PTPRN2: variants seen among roughly 807,000 people sequenced by gnomAD.
PTPRN2 encodes the protein receptor-type tyrosine-protein phosphatase N2.
A neutral mutation model predicts 118.8 loss-of-function variants in PTPRN2; 74 were observed. The ratio of observed to expected loss-of-function variants is 0.62; its 90% CI spans 0.52 to 0.76. PTPRN2 has a LOEUF of 0.76. PTPRN2 is among the 30% of genes least tolerant of loss of function. The probability of loss-of-function intolerance (pLI) is 0.00; values close to 1 mark genes in which losing one functional copy is unlikely to be tolerated. For synonymous variants in PTPRN2, 641 were observed against 608.0 expected (o/e 1.05, Z -0.80); for missense variants, 1,481 against 1,394.4 (o/e 1.06, Z -0.99).
chr7:157,549,820 G>A (rs543991436), intron 21 of PTPRN2, among the ~76,000 whole-genome samples: 87 of 152,322 alleles, frequency 5.7e-4, no homozygotes, highest in African/African-American at 1.8e-3. Flanking sequence ...AGAGAAGTGT[G>A]GGATGAGGAG....
At chr7:158,128,891 G>A (rs1270707035) in intron 9 of PTPRN2, among the ~76,000 whole-genome samples, 1 of 151,964 alleles carries the variant, frequency 6.6e-6, no homozygotes, top group African/African-American at 2.4e-5. Context: ...CACAACATGG[G>A]GGCCTTCAGG....
intron 3 of PTPRN2, among the ~76,000 whole-genome samples, chr7:158,300,057 T>G (rs1464174163): frequency 6.6e-6 from 1 of 152,232 alleles, no homozygotes; most frequent in Admixed American, 6.5e-5. Flanking sequence ...TTGAAAATAT[T>G]TGTTTACTTT....
intron 10 of PTPRN2, among the ~76,000 whole-genome samples, chr7:158,103,070 G>A (rs902887467): frequency 6.6e-6 from 1 of 152,148 alleles, no homozygotes; most frequent in African/African-American, 2.4e-5. Context: ...ACATGCACCC[G>A]TCCCTGTCTG....
intron 1 of PTPRN2, among the ~76,000 whole-genome samples, chr7:158,584,194 G>A (rs1828795121): frequency 6.6e-6 from 1 of 152,176 alleles, no homozygotes; most frequent in Admixed American, 6.5e-5. Context: ...GCAAGTGAAA[G>A]TTGTGCTTCT....
chr7:158,477,914 A>G (rs957578613), intron 2 of PTPRN2, among the ~76,000 whole-genome samples: 4 of 152,238 alleles, frequency 2.6e-5, no homozygotes, highest in Non-Finnish European at 5.9e-5. Context: ...CAGGAAGCAC[A>G]GGCGGTGTCC....
Position 158,509,326 on chromosome 7 carries a change from T to C in PTPRN2, c.113-19541A>G, listed in dbSNP as rs1823011771. 2.6e-5 allele frequency among the ~76,000 whole-genome samples: 4 copies of C among 152,106 alleles called. No individual in the cohort carries two copies. The South Asian group carries it at 8.3e-4, about 31-fold the overall frequency. On this transcript the variant is annotated intron_variant, in intron 1 of 22. Coordinates refer to ENST00000389418, the MANE Select transcript of PTPRN2 (RefSeq NM_002847.5). This position sits in a 1 kb window ranked among gnomAD's most constrained non-coding sequence, Gnocchi z 4.4. ...GAATAGTGCTCCCTGATCCCTAACG[T>C]GCAATCGGGGCTGGAGCCGGAGACC...
At chr7:158,112,063 C>T (rs1816326985) in intron 9 of PTPRN2, among the ~76,000 whole-genome samples, 1 of 151,900 alleles carries the variant, frequency 6.6e-6, no homozygotes, top group Non-Finnish European at 1.5e-5. Flanking sequence ...GGGAGCAGAC[C>T]CTCCTCAGCC....
intron 11 of PTPRN2, among the ~76,000 whole-genome samples, chr7:158,014,379 C>T (rs1806283443): frequency 6.6e-6 from 1 of 151,420 alleles, no homozygotes; most frequent in African/African-American, 2.4e-5. Flanking sequence ...ATCACTTTAC[C>T]TGTTTGTTCG....
chr7:157,840,980 C>G (rs937644113), intron 12 of PTPRN2, among the ~76,000 whole-genome samples: 1 of 152,254 alleles, frequency 6.6e-6, no homozygotes, highest in African/African-American at 2.4e-5. Flanking sequence ...TCTCAACGTC[C>G]AGTCTGCAGG....
In PTPRN2 at chr7:157,717,902, T is replaced by G. The variant is rs535300976; in HGVS notation, c.1789-34965A>C. ...CCCGCGTACCTTTCAGAGGTTTATA[T>G]GAAGCCATTTTTCGGTATTTCTCTA... On this transcript the variant is annotated intron_variant, in intron 12 of 22. Coordinates refer to ENST00000389418, the MANE Select transcript of PTPRN2 (RefSeq NM_002847.5). Among the ~76,000 whole-genome samples, 25 of 152,402 alleles carry G rather than the reference T, an allele frequency of 1.6e-4. No individual in the cohort carries two copies. The South Asian group carries it at 5.2e-3, about 32-fold the overall frequency.
chr7:158,409,527 C>T (rs1357904775), intron 2 of PTPRN2, among the ~76,000 whole-genome samples: 1 of 152,202 alleles, frequency 6.6e-6, no homozygotes, highest in African/African-American at 2.4e-5. Flanking sequence ...CCTTCTGAAG[C>T]TGGTTTCCAT....
At chr7:158,395,771 GGTGAGGCGCGAGGGGCGAGGGGTGAGGC>G in intron 2 of PTPRN2, among the ~76,000 whole-genome samples, 1 of 123,488 alleles carries the variant, frequency 8.1e-6, no homozygotes, top group Non-Finnish European at 1.7e-5. Context: ...AGGGGCGAGG[GGTGAGGCGCGAGGGGCGAGGGGTGAGGC>G]GCGAGGGGCG....
At chr7:158,466,843 C>G (rs1389450567) in intron 2 of PTPRN2, among the ~76,000 whole-genome samples, 1 of 152,114 alleles carries the variant, frequency 6.6e-6, no homozygotes, top group Non-Finnish European at 1.5e-5. Flanking sequence ...GAGCTCAAGA[C>G]CAGCCTGGCC....
Position 157,622,902 on chromosome 7 carries a change from C to G in PTPRN2, c.2197-1393G>C, listed in dbSNP as rs1183320903. Among the ~76,000 whole-genome samples, 1 of 152,214 alleles carries G rather than the reference C, an allele frequency of 6.6e-6. No homozygotes were observed. The highest frequency in any genetic ancestry group is 2.4e-5 in the African/African-American group (1 of 41,458). ...CGCAGCGAACGCTTTTCCCCCACCA[C>G]ACCTTGAGCCTTGGGAGCACACCTG... On this transcript the variant is annotated intron_variant, in intron 14 of 22. Transcript: ENST00000389418. The surrounding 1 kb of genome is among the most constrained non-coding windows in gnomAD (Gnocchi z 5.3).
chr7:158,342,878 G>T (rs62493650), intron 2 of PTPRN2, among the ~76,000 whole-genome samples: 43,033 of 151,666 alleles, frequency 0.28, 6,691 homozygotes, highest in African/African-American at 0.38. Context: ...CTTGAGCCAA[G>T]ATCCAGGAAA....
chr7:157,785,239 C>T lies in PTPRN2; in HGVS notation c.1789-102302G>A, dbSNP rs1299431572. ...GGACACGCCCCGCCCCACAGGCTTG[C>T]ACCGGGGTGCGGCCTGCCCTGTCTG... is the stretch of plus-strand genomic sequence containing the variant. On this transcript the variant is annotated intron_variant, in intron 12 of 22. Transcript: ENST00000389418. This position sits in a 1 kb window ranked among gnomAD's most constrained non-coding sequence, Gnocchi z 7.3. 6.6e-6 allele frequency among the ~76,000 whole-genome samples: 1 copy of T among 152,056 alleles called. No individual in the cohort carries two copies. Among genetic ancestry groups the T allele is most frequent in the Non-Finnish European group, 1.5e-5 (1 of 68,032 alleles).
intron 12 of PTPRN2, among the ~76,000 whole-genome samples, chr7:157,880,544 C>T (rs1796051379): frequency 6.6e-6 from 1 of 152,186 alleles, no homozygotes. Flanking sequence ...CAAAATCACC[C>T]AAGGGACCCG....
chr7:158,440,060 C>T (rs529097064), intron 2 of PTPRN2, among the ~76,000 whole-genome samples: 1 of 152,228 alleles, frequency 6.6e-6, no homozygotes, highest in African/African-American at 2.4e-5. Flanking sequence ...TGGGTCCTGA[C>T]AACCTCCTGG....
chr7:157,923,593 C>T lies in PTPRN2; in HGVS notation c.1724-24856G>A, dbSNP rs56389973. On this transcript the variant is annotated intron_variant, in intron 11 of 22. Transcript: ENST00000389418. Reference sequence around the variant, plus strand: ...TTTGCTCAAATTATTTGGGGGCAAACGTCCAAATGTCAGACCATTGATGGC... The same window carrying T: ...TTTGCTCAAATTATTTGGGGGCAAATGTCCAAATGTCAGACCATTGATGGC... 8.6e-3 allele frequency among the ~76,000 whole-genome samples: 1,305 copies of T among 152,254 alleles called. 18 individuals carry two copies. The highest frequency in any genetic ancestry group is 0.03 in the African/African-American group (1,233 of 41,546).
Sources: allele counts gnomAD v4.1 joint callset (sites outside exome capture counted in the v4.1 genomes callset), GRCh38; gene constraint gnomAD v4.1.1; non-coding constraint Gnocchi (gnomAD v3.1); transcripts MANE v1.5; gene names NCBI Gene and HGNC (gene_info 2026-07-23, HGNC 2026-07-21).